TBC1D22A: variants seen among roughly 807,000 people sequenced by gnomAD.
TBC1D22A encodes the protein putative GTPase activator.
Under a neutral mutation model 60.2 loss-of-function variants are expected in TBC1D22A, and 38 were observed. That is an observed-to-expected ratio of 0.63 (90% confidence interval 0.49 to 0.83). The LOEUF (loss-of-function observed/expected upper bound fraction) is 0.83. Among genes scored for constraint, TBC1D22A ranks in the 40% least tolerant of loss-of-function variants. The pLI is 0.00. For synonymous variants in TBC1D22A, 302 were observed against 281.7 expected (o/e 1.07, Z -0.72); for missense variants, 628 against 701.0 (o/e 0.90, Z 1.18).
At chr22:46,899,336 A>G (rs1184391623) in intron 7 of TBC1D22A, among the ~76,000 whole-genome samples, 1 of 152,076 alleles carries the variant, frequency 6.6e-6, no homozygotes, top group African/African-American at 2.4e-5. Context: ...AGTCCCAGCT[A>G]CTTGGGAGGC....
chr22:46,793,603 TG>T lies in TBC1D22A; in HGVS notation c.226del (p.Glu76ArgfsTer14), dbSNP rs1478668403. ...ESNTSDAWDA[G>X]EDDDELLAMA... ...GCAATACCAGCGATGCCTGGGACGC[TG>T]GGGAGGACGACGATGAGCTCCTGGC... On this transcript the variant is annotated frameshift_variant, in exon 3 of 13. Coordinates refer to ENST00000337137, the MANE Select transcript of TBC1D22A (RefSeq NM_014346.5). LOFTEE classifies it high-confidence loss of function. The T allele has an allele frequency of 1.2e-6, 2 of 1,613,822 alleles. No homozygotes were observed. Among genetic ancestry groups the T allele is most frequent in the African/African-American group, 2.7e-5 (2 of 74,914 alleles).
intron 4 of TBC1D22A, among the ~76,000 whole-genome samples, chr22:46,799,668 C>G (rs988770603): frequency 6.6e-6 from 1 of 152,216 alleles, no homozygotes; most frequent in East Asian, 1.9e-4. Context: ...GCAGCTTTGC[C>G]GGTCTCTGCA....
intron 4 of TBC1D22A, among the ~76,000 whole-genome samples, chr22:46,874,625 ATGCAGTGG>A (rs1187099328): frequency 4.6e-4 from 58 of 125,536 alleles, no homozygotes; most frequent in African/African-American, 1.8e-3. Context: ...CCAGGCTGGA[ATGCAGTGG>A]TGCAGTCTTG....
chr22:46,840,558 C>T (rs2086707629), intron 4 of TBC1D22A, among the ~76,000 whole-genome samples: 1 of 152,066 alleles, frequency 6.6e-6, no homozygotes, highest in Admixed American at 6.6e-5. Context: ...CATAGTGAAA[C>T]CCTGTCTCTA....
chr22:47,072,180 G>A (rs914821618), intron 11 of TBC1D22A, among the ~76,000 whole-genome samples: 4 of 152,236 alleles, frequency 2.6e-5, no homozygotes, highest in Admixed American at 6.5e-5. Flanking sequence ...AGGAAAAAGA[G>A]GAGTGGGGCA....
chr22:46,841,047 G>GGT (rs56029066), intron 4 of TBC1D22A, among the ~76,000 whole-genome samples: 10,924 of 147,460 alleles, frequency 0.074, 461 homozygotes, highest in African/African-American at 0.11. Flanking sequence ...AATGAAAATG[G>GGT]GTGTGTGTGT....
At chr22:47,153,681 G>A (rs1489908250) in intron 12 of TBC1D22A, among the ~76,000 whole-genome samples, 1 of 152,190 alleles carries the variant, frequency 6.6e-6, no homozygotes, top group African/African-American at 2.4e-5. Flanking sequence ...TGCCTAGGAG[G>A]TGTGCCTAGA....
chr22:46,877,091 G>C (rs992281705), intron 4 of TBC1D22A, among the ~76,000 whole-genome samples: 1 of 152,202 alleles, frequency 6.6e-6, no homozygotes, highest in Admixed American at 6.5e-5. Context: ...GTCTTTTTAA[G>C]AATGGAAGGG....
chr22:47,053,939 C>G (rs970814698), intron 11 of TBC1D22A, among the ~76,000 whole-genome samples: 13 of 152,234 alleles, frequency 8.5e-5, no homozygotes, highest in African/African-American at 3.1e-4. Context: ...GTAGCTGTTA[C>G]TGTGGGGCTA....
At chr22:46,793,135 C>T (rs1037790053) in intron 2 of TBC1D22A, among the ~76,000 whole-genome samples, 6 of 152,252 alleles carry the variant, frequency 3.9e-5, no homozygotes, top group African/African-American at 1.4e-4. Flanking sequence ...GGCCTGCACC[C>T]TGCACAGGCG....
intron 4 of TBC1D22A, among the ~76,000 whole-genome samples, chr22:46,865,405 C>T (rs1158678288): frequency 6.6e-6 from 1 of 152,188 alleles, no homozygotes; most frequent in African/African-American, 2.4e-5. Context: ...ATCTATGTCC[C>T]TGGTTTTAAA....
In TBC1D22A at chr22:46,941,523, CACGGAATATATAT is replaced by C. The variant is rs1308935660; in HGVS notation, c.1015+29351_1015+29363del. On this transcript the variant is annotated intron_variant, in intron 8 of 12. Coordinates refer to ENST00000337137, the MANE Select transcript of TBC1D22A (RefSeq NM_014346.5). ...GGAATATATATACGGAATATATATA[CACGGAATATATAT>C]ACGGAATATATATACAGGGAATATA... Among the ~76,000 whole-genome samples, 1,258 of 134,414 alleles carry C rather than the reference CACGGAATATATAT, an allele frequency of 9.4e-3. 44 individuals are homozygous for C. Among genetic ancestry groups the C allele is most frequent in the African/African-American group, 0.033 (1,152 of 35,286 alleles). The allele number at this position is 134,414 out of a possible 152,430, so 88.2% of individuals were successfully genotyped here.
intron 11 of TBC1D22A, among the ~76,000 whole-genome samples, chr22:47,080,142 T>C (rs1236511536): frequency 7.2e-6 from 1 of 139,502 alleles, no homozygotes; most frequent in Non-Finnish European, 1.6e-5. Flanking sequence ...ATGGACAGAC[T>C]TGAAGGGAGT....
At chr22:46,920,057 T>TTGTATGTATGTATGTA (rs60952648) in intron 8 of TBC1D22A, among the ~76,000 whole-genome samples, 8 of 59,242 alleles carry the variant, frequency 1.4e-4, no homozygotes, top group African/African-American at 2.7e-4. Flanking sequence ...ATGTGTTTGT[T>TTGTATGTATGTATGTA]TGTATGTATG....
chr22:46,968,928 C>G (rs990818415), intron 8 of TBC1D22A, among the ~76,000 whole-genome samples: 5 of 152,202 alleles, frequency 3.3e-5, no homozygotes, highest in African/African-American at 1.2e-4. Context: ...CCCGTCTACC[C>G]ATATCCATCT....
chr22:47,054,866 T>A (rs1427095073), intron 11 of TBC1D22A, among the ~76,000 whole-genome samples: 2 of 152,116 alleles, frequency 1.3e-5, no homozygotes, highest in African/African-American at 4.8e-5. Context: ...ACAGCAGAAA[T>A]GTCGTGGTGT....
chr22:47,063,286 G>A, intron 11 of TBC1D22A, among the ~76,000 whole-genome samples: 1 of 152,162 alleles, frequency 6.6e-6, no homozygotes, highest in East Asian at 1.9e-4. Context: ...GTGACTCTGG[G>A]GCCAGGGCTA....
chr22:46,875,270 T>C (rs1314971143), intron 4 of TBC1D22A, among the ~76,000 whole-genome samples: 3 of 152,226 alleles, frequency 2.0e-5, no homozygotes, highest in Non-Finnish European at 2.9e-5. Context: ...AAACACATTC[T>C]GAGCAAAATA....
intron 4 of TBC1D22A, among the ~76,000 whole-genome samples, chr22:46,807,785 G>A (rs1176735513): frequency 1.3e-5 from 2 of 152,122 alleles, no homozygotes; most frequent in African/African-American, 2.4e-5. Context: ...TACTTTAATA[G>A]GACATGAAGA....
Sources: gnomAD v4.1 joint callset for allele counts (sites outside exome capture counted in the v4.1 genomes callset) on GRCh38, gnomAD v4.1.1 for gene constraint, MANE v1.5 for transcripts, NCBI Gene and HGNC (gene_info 2026-07-23, HGNC 2026-07-21) for gene names.